The following KIRREL3 variants were observed in gnomAD, a reference collection of about 807,000 sequenced individuals.
KIRREL3 encodes kin of IRRE-like protein 3.
Under a neutral mutation model 89.7 loss-of-function variants are expected in KIRREL3, and 36 were observed. The ratio of observed to expected loss-of-function variants is 0.40; its 90% CI spans 0.31 to 0.53. The LOEUF (loss-of-function observed/expected upper bound fraction) is 0.53, where lower values mean the gene tolerates loss of function less well. Ranked by LOEUF, KIRREL3 falls within the 20% of genes least tolerant of loss-of-function variation. KIRREL3 has a pLI of 0.49. For missense variants in KIRREL3, 864 were observed against 1,056.6 expected (o/e 0.82, Z 2.53); for synonymous variants, 445 against 441.4 (o/e 1.01, Z -0.10).
At chr11:126,967,155 A>G (rs1186363698) in intron 1 of KIRREL3, among the ~76,000 whole-genome samples, 1 of 152,196 alleles carries the variant, frequency 6.6e-6, no homozygotes, top group East Asian at 1.9e-4. Context: ...AGTAGCTCAA[A>G]CACCTCTGAC....
At chr11:126,707,127 A>G (rs1487890365) in intron 1 of KIRREL3, among the ~76,000 whole-genome samples, 1 of 151,280 alleles carries the variant, frequency 6.6e-6, no homozygotes, top group Non-Finnish European at 1.5e-5. Flanking sequence ...TAATTTTTAA[A>G]TTTTTTGTTG....
rs770530243 is a variant in KIRREL3, at chr11:126,431,353, G to A, written c.1696+66C>T. 1.4e-5 allele frequency: 22 copies of A among 1,591,784 alleles called. No individual in the cohort carries two copies. Among genetic ancestry groups the A allele is most frequent in the Admixed American group, 1.2e-4 (7 of 56,064 alleles). ...TTGCACTCCTGCTTACTTGCTCTCCGGGGCAGCCTAAGCCTGGCCTTTTTC... is the reference window on the plus strand; with the variant it reads ...TTGCACTCCTGCTTACTTGCTCTCCAGGGCAGCCTAAGCCTGGCCTTTTTC... On this transcript the variant is annotated intron_variant, in intron 14 of 16. Transcript: ENST00000525144. This position sits in a 1 kb window ranked among gnomAD's most constrained non-coding sequence, Gnocchi z 7.1.
rs149159391 is a variant in KIRREL3 at position 126,534,940 on chromosome 11, G to A, written c.134-8253C>T. Among the ~76,000 whole-genome samples, 250 of 152,320 alleles carry A rather than the reference G, an allele frequency of 1.6e-3. 1 individual carries two copies. The highest frequency in any genetic ancestry group is 2.9e-3 in the Non-Finnish European group (197 of 68,032). On this transcript the variant is annotated intron_variant, in intron 2 of 16. Transcript: ENST00000525144. ...ACCCTGTCCTGATGGGCCACGTGGC[G>A]TCCCTGAGTCAGGACAGCTGGCACT... is the stretch of plus-strand genomic sequence containing the variant.
intron 1 of KIRREL3, among the ~76,000 whole-genome samples, chr11:126,573,100 C>A (rs867175471): frequency 6.6e-6 from 1 of 152,128 alleles, no homozygotes; most frequent in Non-Finnish European, 1.5e-5. Flanking sequence ...GCTGGGAATG[C>A]CCCCTCCACA....
chr11:126,592,181 CT>C (rs1373386088), intron 1 of KIRREL3, among the ~76,000 whole-genome samples: 3 of 152,188 alleles, frequency 2.0e-5, no homozygotes, highest in African/African-American at 4.8e-5. Context: ...GTTCTAGGTA[CT>C]TTCCGAACAG....
intron 7 of KIRREL3, among the ~76,000 whole-genome samples, chr11:126,450,729 G>T (rs1377725683): frequency 1.5e-5 from 2 of 130,552 alleles, no homozygotes; most frequent in South Asian, 2.1e-4. Context: ...ATGTGTGAAT[G>T]TGGGCATGTG....
chr11:126,857,354 A>C (rs1303299003), intron 1 of KIRREL3, among the ~76,000 whole-genome samples: 3 of 152,206 alleles, frequency 2.0e-5, no homozygotes, highest in Admixed American at 2.0e-4. Context: ...AGAGAACAGG[A>C]ATTGCTTGGC....
chr11:126,581,233 C>T (rs984190084), intron 1 of KIRREL3, among the ~76,000 whole-genome samples: 1 of 152,194 alleles, frequency 6.6e-6, no homozygotes, highest in East Asian at 1.9e-4. Flanking sequence ...GACAGAGTCT[C>T]ACTCTGTTGC....
At chr11:126,936,752 G>A (rs1004449832) in intron 1 of KIRREL3, 3 of 152,160 alleles carry the variant, frequency 2.0e-5, no homozygotes, top group African/African-American at 7.2e-5. Context: ...CACAGCAGTG[G>A]GTGGGAATGC....
chr11:126,882,085 C>G (rs1464185330), intron 1 of KIRREL3, among the ~76,000 whole-genome samples: 2 of 152,080 alleles, frequency 1.3e-5, no homozygotes, highest in African/African-American at 4.8e-5. Context: ...TTTCCTTGTA[C>G]TCTGGAACAT....
rs1293113727 is a variant in KIRREL3, at chr11:126,645,338, T to A, written c.56-82426A>T. Among the ~76,000 whole-genome samples the A allele has an allele frequency of 6.6e-6, 1 of 152,184 alleles. No individual in the cohort carries two copies. Among genetic ancestry groups the A allele is most frequent in the Admixed American group, 6.5e-5 (1 of 15,274 alleles). ...TGTGTGGTCCTCAAATCCTGAATACTTCTCTCCCAGAGCATTTACCACACG... is the reference window on the plus strand; with the variant it reads ...TGTGTGGTCCTCAAATCCTGAATACATCTCTCCCAGAGCATTTACCACACG... On this transcript the variant is annotated intron_variant, in intron 1 of 16. Transcript: ENST00000525144. The surrounding 1 kb of genome is among the most constrained non-coding windows in gnomAD (Gnocchi z 4.9).
chr11:126,870,462 C>A lies in KIRREL3; in HGVS notation c.55+129993G>T, dbSNP rs1032405034. 2.6e-5 allele frequency among the ~76,000 whole-genome samples: 4 copies of A among 152,194 alleles called. No homozygotes were observed. Among genetic ancestry groups the A allele is most frequent in the Non-Finnish European group, 5.9e-5 (4 of 68,026 alleles). On this transcript the variant is annotated intron_variant, in intron 1 of 16. Transcript: ENST00000525144. The surrounding 1 kb of genome is among the most constrained non-coding windows in gnomAD (Gnocchi z 4.4). ...GGAGAGCTCTCCCTGAAGCTTCCATCCCTGGCCTTTAGAGACCGAAGTCTC... is the reference window on the plus strand; with the variant it reads ...GGAGAGCTCTCCCTGAAGCTTCCATACCTGGCCTTTAGAGACCGAAGTCTC...
rs1944208449 is a variant in KIRREL3, at chr11:126,635,024, T to G, written c.56-72112A>C. Among the ~76,000 whole-genome samples the G allele has an allele frequency of 6.6e-6, 1 of 152,260 alleles. No individual in the cohort carries two copies. Among genetic ancestry groups the G allele is most frequent in the Non-Finnish European group, 1.5e-5 (1 of 68,048 alleles). ...GGGGACAGTTCCAGCTTCTGGGCTC[T>G]TCTTGCCCCTAAACTTCTCCTCGAT... is the stretch of plus-strand genomic sequence containing the variant. On this transcript the variant is annotated intron_variant, in intron 1 of 16. Coordinates refer to ENST00000525144, the MANE Select transcript of KIRREL3 (RefSeq NM_032531.4). This position sits in a 1 kb window ranked among gnomAD's most constrained non-coding sequence, Gnocchi z 4.0.
chr11:126,809,018 A>G (rs1050069347), intron 1 of KIRREL3, among the ~76,000 whole-genome samples: 1 of 152,124 alleles, frequency 6.6e-6, no homozygotes, highest in East Asian at 1.9e-4. Flanking sequence ...TTGCCTTAGG[A>G]AAAAAAACAG....
At chr11:126,534,105 G>A (rs1959027141) in intron 2 of KIRREL3, among the ~76,000 whole-genome samples, 1 of 152,204 alleles carries the variant, frequency 6.6e-6, no homozygotes, top group Non-Finnish European at 1.5e-5. Flanking sequence ...GAGGACCTCA[G>A]TGTAGCATCC....
chr11:126,820,136 C>A (rs1167216445), intron 1 of KIRREL3, among the ~76,000 whole-genome samples: 1 of 152,142 alleles, frequency 6.6e-6, no homozygotes, highest in East Asian at 1.9e-4. Context: ...AATCCCCCTG[C>A]CCCATTCATT....
rs1949820227 is a variant in KIRREL3 at position 126,766,263 on chromosome 11, G to T, written c.56-203351C>A. ...GAACAGTAGGAGCCCATAACAGACA[G>T]CATGTCATCCATTCCTGACAGCCTT... On this transcript the variant is annotated intron_variant, in intron 1 of 16. Coordinates refer to ENST00000525144, the MANE Select transcript of KIRREL3 (RefSeq NM_032531.4). The surrounding 1 kb of genome is among the most constrained non-coding windows in gnomAD (Gnocchi z 4.2). Among the ~76,000 whole-genome samples, 1 of 151,986 alleles carries T rather than the reference G, an allele frequency of 6.6e-6. No individual in the cohort carries two copies. Among genetic ancestry groups the T allele is most frequent in the South Asian group, 2.1e-4 (1 of 4,814 alleles).
chr11:126,731,600 C>T (rs1948619641), intron 1 of KIRREL3, among the ~76,000 whole-genome samples: 1 of 152,244 alleles, frequency 6.6e-6, no homozygotes, highest in Non-Finnish European at 1.5e-5. Context: ...AGGAAGAAAG[C>T]TTTGCCAAAA....
At chr11:126,592,640 T>G (rs1035551523) in intron 1 of KIRREL3, among the ~76,000 whole-genome samples, 1 of 152,192 alleles carries the variant, frequency 6.6e-6, no homozygotes, top group Non-Finnish European at 1.5e-5. Flanking sequence ...TCTGCATGCC[T>G]GCTGTGCGGG....
Sources: gnomAD v4.1 joint callset for allele counts (sites outside exome capture counted in the v4.1 genomes callset) on GRCh38, gnomAD v4.1.1 for gene constraint, Gnocchi (gnomAD v3.1) non-coding constraint, MANE v1.5 for transcripts, NCBI Gene and HGNC (gene_info 2026-07-23, HGNC 2026-07-21) for gene names.